KANK1: variants seen among roughly 807,000 people sequenced by gnomAD.
KANK1 encodes the protein KN motif and ankyrin repeat domain-containing protein 1.
KANK1 carries 109 observed loss-of-function variants against 106.2 expected under a neutral mutation model. That is an observed-to-expected ratio of 1.03 (90% CI 0.88 to 1.20). The LOEUF (loss-of-function observed/expected upper bound fraction) is 1.20. Among genes scored for constraint, KANK1 ranks in the 50% most tolerant of loss-of-function variants. The pLI, the probability that KANK1 is intolerant of heterozygous loss-of-function variation, is 0.00. For synonymous variants in KANK1, 873 were observed against 652.2 expected (o/e 1.34, Z -5.16); for missense variants, 2,399 against 1,710.7 (o/e 1.40, Z -7.10).
At chr9:651,962 G>A (rs1369795954) in intron 1 of KANK1, among the ~76,000 whole-genome samples, 3 of 152,300 alleles carry the variant, frequency 2.0e-5, no homozygotes, top group South Asian at 2.1e-4. Context: ...TTTTGAGGAT[G>A]TGTTTACTAT....
chr9:614,333 C>A (rs1305098344), intron 1 of KANK1, among the ~76,000 whole-genome samples: 5 of 152,150 alleles, frequency 3.3e-5, no homozygotes, highest in Admixed American at 3.3e-4. Context: ...TTTCTCTATT[C>A]AGGTAATAGG....
In KANK1 at chr9:732,557, G is replaced by C. The variant is rs772059742; in HGVS notation, c.3185G>C (p.Arg1062Thr). The change falls in exon 6 of 12, where the codon AGG becomes ACG. Residue 1062 changes from arginine to threonine, a missense_variant. Arg to Thr is a moderately conservative substitution (Grantham distance 71, BLOSUM62 -1). Transcript: ENST00000382297. ...AVNIEGLKSA[R>T]VEDEMQVQEC... ...AATATTGAAGGTTTGAAGTCTGCCA[G>C]GGTGGAAGATGAAATGCAGGTTCAA... 6 of 1,614,172 alleles carry C rather than the reference G, an allele frequency of 3.7e-6. No homozygotes were observed. In the South Asian group the frequency reaches 4.4e-5, roughly 12 times the overall value.
chr9:560,732 C>T (rs1389717743), intron 1 of KANK1, among the ~76,000 whole-genome samples: 1 of 151,854 alleles, frequency 6.6e-6, no homozygotes, highest in African/African-American at 2.4e-5. Context: ...GTGTCTATCC[C>T]ATTGTTGGGA....
rs79779617 is a variant in KANK1 at position 687,505 on chromosome 9, G to A, written c.37+10496G>A. Among the ~76,000 whole-genome samples the A allele has an allele frequency of 3.4e-3, 518 of 152,128 alleles. 7 individuals carry two copies. Among genetic ancestry groups the A allele is most frequent in the African/African-American group, 0.01 (433 of 41,486 alleles). On this transcript the variant is annotated intron_variant, in intron 2 of 11. Transcript: ENST00000382297. ...TGTAAAAATCACAGTAGGCCTTACCGGAGGTCCATGACTACAGGTACTCAG... is the reference window on the plus strand; with the variant it reads ...TGTAAAAATCACAGTAGGCCTTACCAGAGGTCCATGACTACAGGTACTCAG...
chr9:498,252 T>A (rs1357256287), intron 3 of KANK1, among the ~76,000 whole-genome samples: 1 of 152,192 alleles, frequency 6.6e-6, no homozygotes, highest in African/African-American at 2.4e-5. Context: ...GATAACTAAT[T>A]GCACCACACG....
At chr9:680,714 G>A (rs10815466) in intron 2 of KANK1, 38,340 of 151,910 alleles carry the variant, frequency 0.25, 5,764 homozygotes, top group African/African-American at 0.4. Flanking sequence ...AAAATACTAA[G>A]CACGTGTTCA....
chr9:624,741 G>A (rs1212677959), intron 1 of KANK1, among the ~76,000 whole-genome samples: 1 of 152,172 alleles, frequency 6.6e-6, no homozygotes, highest in Non-Finnish European at 1.5e-5. Context: ...GGAGGGTGCA[G>A]TGAGCTAAGA....
intron 1 of KANK1, among the ~76,000 whole-genome samples, chr9:561,287 C>T (rs138635240): frequency 2.3e-4 from 35 of 152,282 alleles, no homozygotes; most frequent in African/African-American, 7.5e-4. Flanking sequence ...AAATGGATAT[C>T]ATATACTATT....
chr9:547,511 A>G (rs907758567), intron 1 of KANK1, among the ~76,000 whole-genome samples: 1 of 144,568 alleles, frequency 6.9e-6, no homozygotes, highest in African/African-American at 2.4e-5. Context: ...TCTTAATTTA[A>G]AGATGGTGAT....
Position 593,318 on chromosome 9 carries a change from A to G in KANK1, c.-83-83572A>G, listed in dbSNP as rs533210310. On this transcript the variant is annotated intron_variant, in intron 1 of 11. Transcript: ENST00000382297. Reference sequence around the variant, plus strand: ...GCCCATTCTCACATATTCAAACAATAAAACATACAGACAAAAAAAGGATTC... The same window carrying G: ...GCCCATTCTCACATATTCAAACAATGAAACATACAGACAAAAAAAGGATTC... Among the ~76,000 whole-genome samples the G allele has an allele frequency of 3.3e-5, 5 of 151,996 alleles. No individual in the cohort carries two copies. In the South Asian group the frequency reaches 8.3e-4, roughly 25 times the overall value.
rs1015844056 is a variant in KANK1, at chr9:504,765, CGGCGGGGCCG to C, written c.-84+12_-84+21del. The C allele has an allele frequency of 1.1e-4, 5 of 45,276 alleles. No individual in the cohort carries two copies. Among genetic ancestry groups the C allele is most frequent in the Non-Finnish European group, 2.2e-4 (5 of 22,626 alleles). The allele number at this position is 45,276 out of a possible 1,614,324, so 2.8% of individuals were successfully genotyped here. ...GAGGAGCGGCCGAAGGTGAGTGACG[CGGCGGGGCCG>C]TGCCGCGCCCCGTGCCGCGGCGAGG... On this transcript the variant is annotated intron_variant, in intron 1 of 11. Transcript: ENST00000382297.
chr9:586,479 A>C (rs999267490), intron 1 of KANK1, among the ~76,000 whole-genome samples: 4 of 152,162 alleles, frequency 2.6e-5, no homozygotes, highest in Non-Finnish European at 5.9e-5. Flanking sequence ...GAGCAGCTGG[A>C]CATTCGGGGA....
chr9:492,464 C>T (rs1240853251), intron 3 of KANK1, among the ~76,000 whole-genome samples: 1 of 152,076 alleles, frequency 6.6e-6, no homozygotes, highest in African/African-American at 2.4e-5. Context: ...CTTCAGGTTT[C>T]CTTTCTGTAA....
At chr9:567,492 A>G (rs1818092225) in intron 1 of KANK1, among the ~76,000 whole-genome samples, 1 of 152,256 alleles carries the variant, frequency 6.6e-6, no homozygotes, top group East Asian at 1.9e-4. Flanking sequence ...AGGAATGACG[A>G]AGGACAACTT....
chr9:527,599 C>G (rs1247809325), intron 1 of KANK1, among the ~76,000 whole-genome samples: 3 of 151,676 alleles, frequency 2.0e-5, no homozygotes, highest in African/African-American at 7.3e-5. Flanking sequence ...CTACACTCGG[C>G]TGCTCTCTGG....
rs1278881924 is a variant in KANK1, at chr9:618,669, TA to T, written c.-83-58220del. Among the ~76,000 whole-genome samples the T allele has an allele frequency of 2.0e-5, 3 of 152,292 alleles. No individual in the cohort carries two copies. The East Asian group carries it at 5.8e-4, about 29-fold the overall frequency. ...CATGCACAGTAGACATTCGTGAAAT[TA>T]TTTTTTTAAATGATGATGAATGCCA... On this transcript the variant is annotated intron_variant, in intron 1 of 11. Transcript: ENST00000382297.
At chr9:557,261 A>G (rs2061652288) in intron 1 of KANK1, among the ~76,000 whole-genome samples, 1 of 152,082 alleles carries the variant, frequency 6.6e-6, no homozygotes, top group African/African-American at 2.4e-5. Context: ...GAAAAGATAT[A>G]TTGTTTTGGT....
At chr9:725,663 G>GC (rs1564087116) in intron 3 of KANK1, among the ~76,000 whole-genome samples, 1 of 152,008 alleles carries the variant, frequency 6.6e-6, no homozygotes, top group African/African-American at 2.4e-5. Flanking sequence ...CCATCACTTG[G>GC]CCCCCATCCC....
At chr9:476,932 C>T (rs904364023) in intron 3 of KANK1, among the ~76,000 whole-genome samples, 4 of 152,130 alleles carry the variant, frequency 2.6e-5, no homozygotes, top group African/African-American at 9.7e-5. Flanking sequence ...ATGTGTCTCC[C>T]CGAAATTAGC....
Sources: gnomAD v4.1 joint callset for allele counts (sites outside exome capture counted in the v4.1 genomes callset) on GRCh38, gnomAD v4.1.1 for gene constraint, MANE v1.5 for transcripts, NCBI Gene and HGNC (gene_info 2026-07-23, HGNC 2026-07-21) for gene names.